CCDC7: variants seen among roughly 807,000 people sequenced by gnomAD.
The protein encoded by CCDC7 is coiled-coil domain-containing protein 7.
Under a neutral mutation model 196.9 loss-of-function variants are expected in CCDC7, and 183 were observed. The ratio of observed to expected loss-of-function variants is 0.93; its 90% CI spans 0.82 to 1.05. CCDC7 has a LOEUF of 1.05. Ranked by LOEUF, CCDC7 falls within the 50% of genes least tolerant of loss-of-function variation. The pLI, the probability that CCDC7 is intolerant of heterozygous loss-of-function variation, is 0.00. For synonymous variants in CCDC7, 525 were observed against 484.6 expected (o/e 1.08, Z -1.10); for missense variants, 1,540 against 1,482.2 (o/e 1.04, Z -0.64).
rs2079943109 is a variant in CCDC7 at position 32,775,894 on chromosome 10, A to G, written c.2906-3083A>G. 2.0e-5 allele frequency among the ~76,000 whole-genome samples: 3 copies of G among 151,626 alleles called. No individual in the cohort carries two copies. The South Asian group carries it at 6.3e-4, about 32-fold the overall frequency. On this transcript the variant is annotated intron_variant, in intron 28 of 41. Transcript: ENST00000639629. ...TTGGAACCAACCCAAATGTCCAACA[A>G]TGATAGACTGGATTAAGAAAATGTG...
rs188880923 is a variant in CCDC7, at chr10:32,786,596, A to G, written c.3013+7512A>G. ...GCCAACATGGCGAAACTTCATCTCT[A>G]CTAAAAATACAAAAATTAGCCGGGC... On this transcript the variant is annotated intron_variant, in intron 29 of 41. Coordinates refer to ENST00000639629, the Ensembl canonical transcript of CCDC7. Among the ~76,000 whole-genome samples the G allele has an allele frequency of 2.5e-3, 381 of 152,276 alleles. 1 individual carries two copies. The highest frequency in any genetic ancestry group is 4.0e-3 in the Non-Finnish European group (271 of 68,028).
At chr10:32,664,315 A>G (rs1489912766) in intron 21 of CCDC7, among the ~76,000 whole-genome samples, 154 bp downstream of exon 22, 4 of 152,102 alleles carry the variant, frequency 2.6e-5, no homozygotes, top group Non-Finnish European at 4.4e-5. Flanking sequence ...AATTGTGGAA[A>G]ATAAAATCAA....
intron 24 of CCDC7, among the ~76,000 whole-genome samples, chr10:32,699,281 C>T (rs1363076033): frequency 2.7e-5 from 4 of 145,818 alleles, no homozygotes; most frequent in Non-Finnish European, 4.5e-5. Context: ...TCAATTCCCA[C>T]CTATGAGTGA....
chr10:32,807,824 G>C (rs537636923), intron 30 of CCDC7, among the ~76,000 whole-genome samples: 2 of 152,006 alleles, frequency 1.3e-5, no homozygotes, highest in South Asian at 4.2e-4. Context: ...TCTGCCTCCT[G>C]GGTTCAAGTG....
chr10:32,645,679 G>C (rs1229503634), intron 20 of CCDC7, among the ~76,000 whole-genome samples: 1 of 151,830 alleles, frequency 6.6e-6, no homozygotes, highest in Non-Finnish European at 1.5e-5. Flanking sequence ...GCTTTTCTTT[G>C]ATGGAAAGCT....
At chr10:32,639,371 A>G (rs2066287138) in intron 20 of CCDC7, among the ~76,000 whole-genome samples, 1 of 151,854 alleles carries the variant, frequency 6.6e-6, no homozygotes, top group Non-Finnish European at 1.5e-5. Context: ...GTGGGCATTT[A>G]GTGCTATAAA....
chr10:32,598,097 T>C (rs1254297079), intron 18 of CCDC7, among the ~76,000 whole-genome samples: 1 of 152,196 alleles, frequency 6.6e-6, no homozygotes, highest in Non-Finnish European at 1.5e-5. Flanking sequence ...TGCCCTGCCC[T>C]GAGAGGTGGA....
At chr10:32,605,506 G>A (rs113133183) in intron 18 of CCDC7, among the ~76,000 whole-genome samples, 16 of 152,186 alleles carry the variant, frequency 1.1e-4, no homozygotes, top group Non-Finnish European at 1.6e-4. Flanking sequence ...TGATTGTGAC[G>A]AAAATGCTGA....
intron 24 of CCDC7, among the ~76,000 whole-genome samples, chr10:32,710,540 C>T (rs1232046483): frequency 1.3e-5 from 2 of 152,178 alleles, no homozygotes; most frequent in African/African-American, 2.4e-5. Context: ...CCACTGGTGT[C>T]CCTCAGAACC....
At chr10:32,655,799 G>C (rs2140257232) in intron 20 of CCDC7, among the ~76,000 whole-genome samples, 1 of 152,198 alleles carries the variant, frequency 6.6e-6, no homozygotes, top group South Asian at 2.1e-4. Context: ...CACCTACCTT[G>C]GCCTCCCAAA....
intron 18 of CCDC7, among the ~76,000 whole-genome samples, chr10:32,603,551 T>C (rs1213139398): frequency 1.3e-5 from 2 of 151,444 alleles, no homozygotes; most frequent in African/African-American, 2.4e-5. Flanking sequence ...ATGATTGTAC[T>C]AATTTACATT....
intron 20 of CCDC7, among the ~76,000 whole-genome samples, chr10:32,660,089 C>A (rs1233850214): frequency 6.6e-6 from 1 of 151,856 alleles, no homozygotes; most frequent in Admixed American, 6.6e-5. Flanking sequence ...AAGACAAAGT[C>A]CTCTTTACTT....
At chr10:32,638,963 A>G (rs998436259) in intron 20 of CCDC7, among the ~76,000 whole-genome samples, 3 of 151,844 alleles carry the variant, frequency 2.0e-5, no homozygotes, top group Admixed American at 6.6e-5. Flanking sequence ...TTTTGGGAGG[A>G]TGTTTGTTTT....
intron 9 of CCDC7, among the ~76,000 whole-genome samples, chr10:32,501,282 A>G (rs899709012): frequency 6.6e-6 from 1 of 151,898 alleles, no homozygotes; most frequent in Non-Finnish European, 1.5e-5. Context: ...AATTCCTGTA[A>G]CCTTTTTTCA....
intron 32 of CCDC7, among the ~76,000 whole-genome samples, chr10:32,833,362 A>G (rs1476277520): frequency 6.6e-6 from 1 of 151,816 alleles, no homozygotes; most frequent in African/African-American, 2.4e-5. Context: ...TTAAAAAAAA[A>G]AAAAAGAAAG....
At chr10:32,659,362 T>C (rs1203003766) in intron 20 of CCDC7, among the ~76,000 whole-genome samples, 1 of 152,228 alleles carries the variant, frequency 6.6e-6, no homozygotes, top group African/African-American at 2.4e-5. Flanking sequence ...TGTGATTGAT[T>C]TCTAGTTTTA....
intron 41 of CCDC7, among the ~76,000 whole-genome samples, chr10:32,868,968 T>C (rs765868525): frequency 8.9e-4 from 135 of 152,084 alleles, no homozygotes; most frequent in Admixed American, 3.1e-3. Flanking sequence ...CAGTCTATCA[T>C]TGTTGGACAT....
At chr10:32,840,136 G>T (rs925038509) in intron 33 of CCDC7, among the ~76,000 whole-genome samples, 1 of 151,602 alleles carries the variant, frequency 6.6e-6, no homozygotes, top group African/African-American at 2.4e-5. Context: ...CCCAGCAGAA[G>T]AAAAGAAATA....
At chr10:32,821,357 G>C (rs2090150016) in intron 31 of CCDC7, among the ~76,000 whole-genome samples, 1 of 152,144 alleles carries the variant, frequency 6.6e-6, no homozygotes, top group South Asian at 2.1e-4. Context: ...CTTTTACACT[G>C]TTGGTGGGAC....
Sources: allele counts gnomAD v4.1 joint callset (sites outside exome capture counted in the v4.1 genomes callset), GRCh38; gene constraint gnomAD v4.1.1; transcripts MANE v1.5; gene names NCBI Gene and HGNC (gene_info 2026-07-23, HGNC 2026-07-21).